PPP4R4: variants seen among roughly 807,000 people sequenced by gnomAD.
PPP4R4 encodes the protein protein phosphatase 4 regulatory subunit 4, also known as serine/threonine-protein phosphatase 4 regulatory subunit 4.
A neutral mutation model predicts 121.8 loss-of-function variants in PPP4R4; 70 were observed. The ratio of observed to expected loss-of-function variants is 0.57; its 90% CI spans 0.47 to 0.70. The LOEUF is 0.70. PPP4R4 is among the 30% of genes least tolerant of loss of function. PPP4R4 has a pLI of 0.00. For missense variants in PPP4R4, 875 were observed against 1,033.6 expected (o/e 0.85, Z 2.10); for synonymous variants, 348 against 355.7 (o/e 0.98, Z 0.24).
chr14:94,242,088 C>A, intron 10 of PPP4R4, 131 bp downstream of exon 10: 1 of 1,142,434 alleles, frequency 8.8e-7, no homozygotes, highest in South Asian at 1.5e-5. Context: ...ATAGTATGTG[C>A]AGAGTAAATA....
intron 11 of PPP4R4, among the ~76,000 whole-genome samples, chr14:94,244,336 C>T (rs1353913873): frequency 2.0e-5 from 3 of 152,158 alleles, no homozygotes; most frequent in African/African-American, 7.2e-5. Flanking sequence ...AAAATGTGAA[C>T]TAGAGGCCCC....
At chr14:94,215,264 AT>A (rs749709239) in intron 3 of PPP4R4, among the ~76,000 whole-genome samples, 32 of 152,212 alleles carry the variant, frequency 2.1e-4, no homozygotes, top group Non-Finnish European at 4.1e-4. Flanking sequence ...TGAATATTTT[AT>A]TGGGAGATTT....
chr14:94,267,979 T>C (rs567721677), intron 23 of PPP4R4, among the ~76,000 whole-genome samples: 3 of 152,314 alleles, frequency 2.0e-5, no homozygotes, highest in African/African-American at 7.2e-5. Flanking sequence ...ACGTACAGTA[T>C]ATAGAGTGGT....
intron 3 of PPP4R4, among the ~76,000 whole-genome samples, chr14:94,219,766 A>G (rs1421480786): frequency 6.6e-6 from 1 of 152,228 alleles, no homozygotes; most frequent in Non-Finnish European, 1.5e-5. Flanking sequence ...GTAGATTTAG[A>G]AAAAGTATAT....
chr14:94,233,646 T>C lies in PPP4R4; in HGVS notation c.517-7T>C, dbSNP rs778520869. The C allele has an allele frequency of 3.9e-6, 6 of 1,538,850 alleles. No homozygotes were observed. The highest frequency in any genetic ancestry group is 1.8e-5 in the Admixed American group (1 of 54,720). On this transcript the variant is annotated splice_polypyrimidine_tract_variant and splice_region_variant and intron_variant, in intron 5 of 24. Transcript: ENST00000304338. ...TGTGAATTTTTTTCTCTAAATTTTC[T>C]CTTTAGATTTTGAATCCACTTGTTT...
chr14:94,185,712 A>G (rs1889238598), intron 2 of PPP4R4, among the ~76,000 whole-genome samples: 1 of 152,190 alleles, frequency 6.6e-6, no homozygotes, highest in Non-Finnish European at 1.5e-5. Flanking sequence ...CCATTTGGAA[A>G]CATCCCATTT....
chr14:94,194,791 T>C (rs1486800730), intron 2 of PPP4R4, among the ~76,000 whole-genome samples: 1 of 152,136 alleles, frequency 6.6e-6, no homozygotes, highest in Non-Finnish European at 1.5e-5. Flanking sequence ...TTTATACTGA[T>C]TATGACTAAA....
At chr14:94,278,130 T>C (rs1418501009) in intron 24 of PPP4R4, among the ~76,000 whole-genome samples, 1 of 152,224 alleles carries the variant, frequency 6.6e-6, no homozygotes, top group African/African-American at 2.4e-5. Context: ...GAGGTGATTT[T>C]GGAAAGTATA....
In PPP4R4 at chr14:94,251,610, T is replaced by G. The variant is rs1247421205; in HGVS notation, c.1718-139T>G. 3 of 586,756 alleles carry G rather than the reference T, an allele frequency of 5.1e-6. No individual in the cohort carries two copies. The East Asian group carries it at 9.5e-5, about 19-fold the overall frequency. The allele number at this position is 586,756 out of a possible 1,614,324, so 36.3% of individuals were successfully genotyped here. ...AAACCTGAGGTATATAATAATGATATTTTTCCTCTTATGTCTTGTATTTGC... is the reference window on the plus strand; with the variant it reads ...AAACCTGAGGTATATAATAATGATAGTTTTCCTCTTATGTCTTGTATTTGC... On this transcript the variant is annotated intron_variant, in intron 15 of 24. Transcript: ENST00000304338.
chr14:94,201,796 AC>A (rs1378259176), intron 2 of PPP4R4, among the ~76,000 whole-genome samples: 1 of 152,112 alleles, frequency 6.6e-6, no homozygotes, highest in African/African-American at 2.4e-5. Flanking sequence ...CTAGGTGTCT[AC>A]CCAGAGGAAA....
chr14:94,246,643 C>T, intron 14 of PPP4R4, 104 bp downstream of exon 14: 1 of 1,268,754 alleles, frequency 7.9e-7, no homozygotes, highest in Non-Finnish European at 1.1e-6. Flanking sequence ...TCAGTTCATT[C>T]CATTCTACCT....
In PPP4R4 at chr14:94,241,921, T is replaced by G; in HGVS notation, c.1110T>G (p.Tyr370Ter). The G allele has an allele frequency of 2.5e-6, 4 of 1,608,290 alleles. No individual in the cohort carries two copies. The highest frequency in any genetic ancestry group is 3.4e-6 in the Non-Finnish European group (4 of 1,177,728). ...AAATCCTAGAGCAGGAGAAGAAATA[T>G]ATTTCAGTACGGAAGAACTGTGCTT... Reference protein sequence around the residue: ...PPQILEQEKKYISVRKNCAYN... With the variant: ...PPQILEQEKK Residue 370 changes from tyrosine (Y) to a stop codon, truncating the protein, a stop_gained, in exon 10 of 25, where the codon TAT (tyrosine) becomes TAG (stop). Transcript: ENST00000304338. LOFTEE classifies it high-confidence loss of function.
Position 94,265,485 on chromosome 14 carries a change from C to A in PPP4R4, c.2284+12C>A. On this transcript the variant is annotated intron_variant, in intron 21 of 24. Coordinates refer to ENST00000304338, the MANE Select transcript of PPP4R4 (RefSeq NM_058237.2). ...CACCCCATCGACAAGTAAGAAATAA[C>A]TTCTTTTTATATCTTTTTGTAATTT... is the stretch of plus-strand genomic sequence containing the variant. 1.3e-6 allele frequency: 2 copies of A among 1,582,478 alleles called. No individual in the cohort carries two copies. The highest frequency in any genetic ancestry group is 1.7e-6 in the Non-Finnish European group (2 of 1,152,498).
intron 2 of PPP4R4, among the ~76,000 whole-genome samples, chr14:94,184,770 T>C (rs1364836312): frequency 3.3e-5 from 5 of 152,238 alleles, no homozygotes; most frequent in Non-Finnish European, 7.3e-5. Flanking sequence ...GGTATAATAT[T>C]GGTATATGGT....
chr14:94,247,372 AC>A (rs1213095219), intron 14 of PPP4R4, among the ~76,000 whole-genome samples: 3 of 151,848 alleles, frequency 2.0e-5, no homozygotes, highest in Non-Finnish European at 2.9e-5. Context: ...TGGGCTGAAA[AC>A]CCTGGGCTGC....
chr14:94,219,088 T>G (rs1470560720), intron 3 of PPP4R4, among the ~76,000 whole-genome samples: 1 of 147,896 alleles, frequency 6.8e-6, no homozygotes, highest in Non-Finnish European at 1.5e-5. Flanking sequence ...TTCTTTTTTT[T>G]TTTTTTTTGA....
At chr14:94,235,521 T>TC (rs1349674004) in intron 7 of PPP4R4, among the ~76,000 whole-genome samples, 3 of 146,278 alleles carry the variant, frequency 2.1e-5, no homozygotes, top group African/African-American at 7.6e-5. Context: ...TGCCTCAGCC[T>TC]CCCAAGTAGC....
Position 94,209,671 on chromosome 14 carries a change from C to T in PPP4R4, c.294+1105C>T, listed in dbSNP as rs143057002. Among the ~76,000 whole-genome samples the T allele has an allele frequency of 3.3e-5, 5 of 152,096 alleles. No homozygotes were observed. The East Asian group carries it at 5.8e-4, about 18-fold the overall frequency. ...CCCACACAGACCAGGTTTATTTTTA[C>T]GTTCAATTTCAGTGATACTAACTGA... On this transcript the variant is annotated intron_variant, in intron 3 of 24. Coordinates refer to ENST00000304338, the MANE Select transcript of PPP4R4 (RefSeq NM_058237.2).
At chr14:94,228,531 A>C (rs943302648) in intron 3 of PPP4R4, among the ~76,000 whole-genome samples, 6 of 152,206 alleles carry the variant, frequency 3.9e-5, no homozygotes, top group Admixed American at 1.3e-4. Context: ...AGACAGCAGT[A>C]TGGACATGAT....
Sources: gnomAD v4.1 joint callset for allele counts (sites outside exome capture counted in the v4.1 genomes callset) on GRCh38, gnomAD v4.1.1 for gene constraint, MANE v1.5 for transcripts, NCBI Gene and HGNC (gene_info 2026-07-23, HGNC 2026-07-21) for gene names.